The following MAP3K8 variants were observed in gnomAD, a reference collection of about 807,000 sequenced individuals.
MAP3K8 encodes the protein mitogen-activated protein kinase kinase kinase 8.
A neutral mutation model predicts 45.8 loss-of-function variants in MAP3K8; 22 were observed. The observed-to-expected ratio is 0.48, with a 90% CI of 0.34 to 0.69. The LOEUF (loss-of-function observed/expected upper bound fraction) is 0.69. MAP3K8 is among the 30% of genes least tolerant of loss of function. MAP3K8 has a pLI of 0.01. For synonymous variants in MAP3K8, 223 were observed against 214.3 expected (o/e 1.04, Z -0.36); for missense variants, 419 against 585.0 (o/e 0.72, Z 2.93).
At chr10:30,447,354 T>G (rs1482745511) in intron 3 of MAP3K8, among the ~76,000 whole-genome samples, 1 of 152,240 alleles carries the variant, frequency 6.6e-6, no homozygotes, top group Non-Finnish European at 1.5e-5. Flanking sequence ...TTTGATGTTC[T>G]TTCTCTGTAT....
chr10:30,456,453 G>A (rs1836730748), intron 6 of MAP3K8, among the ~76,000 whole-genome samples: 1 of 152,130 alleles, frequency 6.6e-6, no homozygotes, highest in Non-Finnish European at 1.5e-5. Flanking sequence ...GTTGAGCAGG[G>A]TTAGGGTGGG....
intron 6 of MAP3K8, among the ~76,000 whole-genome samples, chr10:30,457,429 C>G (rs1186430854): frequency 6.6e-6 from 1 of 152,166 alleles, no homozygotes; most frequent in Non-Finnish European, 1.5e-5. Context: ...CACCTTTTAT[C>G]ATTGCAGATA....
chr10:30,460,610 A>G lies in MAP3K8; in HGVS notation c.1274-96A>G. ...TCTTTCACGCTTAAGACACTGTTTTATTAGGCCCCAAAGATTTATTTCACT... is the reference window on the plus strand; with the variant it reads ...TCTTTCACGCTTAAGACACTGTTTTGTTAGGCCCCAAAGATTTATTTCACT... On this transcript the variant is annotated intron_variant, in intron 8 of 8. Coordinates refer to ENST00000263056, the MANE Select transcript of MAP3K8 (RefSeq NM_005204.4). The G allele has an allele frequency of 5.1e-6, 5 of 985,332 alleles. No homozygotes were observed. In the South Asian group the frequency reaches 8.2e-5, roughly 16 times the overall value. 61.0% of individuals were successfully genotyped at this position (985,332 alleles called of 1,614,324 possible). A position where few individuals can be genotyped will look rare whatever the true frequency, so the allele number is the denominator to read the frequency against.
intron 8 of MAP3K8, among the ~76,000 whole-genome samples, chr10:30,460,170 T>C (rs1207016459): frequency 3.3e-5 from 5 of 152,150 alleles, no homozygotes; most frequent in Non-Finnish European, 5.9e-5. Context: ...GCCACCCCAG[T>C]CCTTGGTGGG....
intron 2 of MAP3K8, among the ~76,000 whole-genome samples, chr10:30,437,764 C>T (rs1344479137): frequency 2.0e-5 from 3 of 152,208 alleles, no homozygotes; most frequent in Non-Finnish European, 2.9e-5. Flanking sequence ...ATTGATCAGA[C>T]GTGCGTGGCT....
At chr10:30,445,967 T>C (rs369267650) in intron 3 of MAP3K8, among the ~76,000 whole-genome samples, 1 of 152,202 alleles carries the variant, frequency 6.6e-6, no homozygotes, top group Non-Finnish European at 1.5e-5. Context: ...AGAAGTCCCA[T>C]GCATCTGCAG....
At chr10:30,458,268 C>CGGGGGGGGGGGGCG in intron 7 of MAP3K8, 32 bp downstream of exon 7, 1 of 439,436 alleles carries the variant, frequency 2.3e-6, no homozygotes, top group Non-Finnish European at 3.7e-6. Flanking sequence ...CTGGGGGCGG[C>CGGGGGGGGGGGGCG]GGGGGGGGGC....
chr10:30,450,556 G>A, intron 5 of MAP3K8, 37 bp downstream of exon 5: 1 of 1,601,018 alleles, frequency 6.2e-7, no homozygotes, highest in South Asian at 1.1e-5. Context: ...TTGGCTCAAA[G>A]AGACTAGTTA....
Position 30,439,563 on chromosome 10 carries a change from A to G in MAP3K8, c.336+289A>G, listed in dbSNP as rs1315565082. The G allele has an allele frequency of 5.4e-6, 3 of 558,416 alleles. No individual in the cohort carries two copies. The African/African-American group carries it at 5.6e-5, about 10-fold the overall frequency. 34.6% of individuals were successfully genotyped at this position (558,416 alleles called of 1,614,324 possible). Reference sequence around the variant, plus strand: ...AGGGGCTCACGCCTGTAATCCGCGCACTTGGAGAGGCCGAGGTGGGTGGAT... The same window carrying G: ...AGGGGCTCACGCCTGTAATCCGCGCGCTTGGAGAGGCCGAGGTGGGTGGAT... On this transcript the variant is annotated intron_variant, in intron 3 of 8. Coordinates refer to ENST00000263056, the MANE Select transcript of MAP3K8 (RefSeq NM_005204.4).
At chr10:30,454,778 TC>T (rs1392610766) in intron 6 of MAP3K8, among the ~76,000 whole-genome samples, 1 of 151,946 alleles carries the variant, frequency 6.6e-6, no homozygotes, top group African/African-American at 2.4e-5. Context: ...GAATGCTTAG[TC>T]CCCAGATCTT....
chr10:30,457,201 C>T (rs1411081813), intron 6 of MAP3K8, among the ~76,000 whole-genome samples: 3 of 152,068 alleles, frequency 2.0e-5, no homozygotes, highest in African/African-American at 4.8e-5. Flanking sequence ...ATTTATAAAA[C>T]CAGCCCTGTT....
At chr10:30,457,571 G>A (rs1192339196) in intron 6 of MAP3K8, among the ~76,000 whole-genome samples, 1 of 152,190 alleles carries the variant, frequency 6.6e-6, no homozygotes, top group East Asian at 1.9e-4. Flanking sequence ...ACTTTGATGA[G>A]TGGGAGTCCC....
In MAP3K8 at chr10:30,447,764, A is replaced by T. The variant is rs1248767293; in HGVS notation, c.337-18A>T. The T allele has an allele frequency of 2.5e-6, 4 of 1,609,518 alleles. No individual in the cohort carries two copies. The highest frequency in any genetic ancestry group is 2.5e-6 in the Non-Finnish European group (3 of 1,177,996). On this transcript the variant is annotated intron_variant, in intron 3 of 8. Coordinates refer to ENST00000263056, the MANE Select transcript of MAP3K8 (RefSeq NM_005204.4). ...TTGACTGAAGTTCTCACCGTCTCAC[A>T]TTTTTATTTTGTTGTAGGTCATCAC...
At chr10:30,459,617 C>G (rs1339828766) in intron 8 of MAP3K8, 116 bp downstream of exon 8, 7 of 1,210,368 alleles carry the variant, frequency 5.8e-6, no homozygotes, top group Non-Finnish European at 8.0e-6. Context: ...TTCTTGAGTA[C>G]CATACCTTGC....
At chr10:30,451,612 C>T in intron 5 of MAP3K8, 26 bp from the exon 6 acceptor site, 1 of 1,390,610 alleles carries the variant, frequency 7.2e-7, no homozygotes, top group Non-Finnish European at 1.0e-6. Flanking sequence ...AAAATTTTAT[C>T]TTAAAAATAT....
Position 30,460,662 on chromosome 10 carries a change from G to T in MAP3K8, c.1274-44G>T, listed in dbSNP as rs8177033. On this transcript the variant is annotated intron_variant, in intron 8 of 8. Transcript: ENST00000263056. ...CAGAAGGAACAGGTATTTATCATTT[G>T]ACACGTTTTCTTGTTACTTACTTTG... 7.0e-3 allele frequency: 10,690 copies of T among 1,524,776 alleles called. 637 individuals carry two copies. The African/African-American group carries it at 0.13, about 19-fold the overall frequency. 94.5% of individuals were successfully genotyped at this position (1,524,776 alleles called of 1,614,324 possible). A position where few individuals can be genotyped will look rare whatever the true frequency, so the allele number is the denominator to read the frequency against.
At chr10:30,454,550 A>G (rs1836671290) in intron 6 of MAP3K8, among the ~76,000 whole-genome samples, 1 of 133,340 alleles carries the variant, frequency 7.5e-6, no homozygotes, top group Non-Finnish European at 1.7e-5. Context: ...TGGAAAATAG[A>G]ACAAGACCTT....
chr10:30,434,612 T>G lies in MAP3K8; in HGVS notation c.-255+234T>G, dbSNP rs896594216. 6 of 985,736 alleles carry G rather than the reference T, an allele frequency of 6.1e-6. 1 individual carries two copies. In the Admixed American group the frequency reaches 3.7e-4, roughly 61 times the overall value. 61.1% of individuals were successfully genotyped at this position (985,736 alleles called of 1,614,324 possible). ...GGTGCAGACTCGCGACTCCTCCCCCTTCCTCCTCCTTCCCGTATCCGCAGC... is the reference window on the plus strand; with the variant it reads ...GGTGCAGACTCGCGACTCCTCCCCCGTCCTCCTCCTTCCCGTATCCGCAGC... On this transcript the variant is annotated intron_variant, in intron 1 of 8. Coordinates refer to ENST00000263056, the MANE Select transcript of MAP3K8 (RefSeq NM_005204.4).
At chr10:30,452,665 C>CG (rs1354136284) in intron 6 of MAP3K8, among the ~76,000 whole-genome samples, 3 of 150,800 alleles carry the variant, frequency 2.0e-5, no homozygotes, top group Non-Finnish European at 4.4e-5. Context: ...ATCCACAGTT[C>CG]GGCTTTATTT....
Sources: gnomAD v4.1 joint callset for allele counts (sites outside exome capture counted in the v4.1 genomes callset) on GRCh38, gnomAD v4.1.1 for gene constraint, MANE v1.5 for transcripts, NCBI Gene and HGNC (gene_info 2026-07-23, HGNC 2026-07-21) for gene names.